ASTN2: variants seen among roughly 807,000 people sequenced by gnomAD.
The protein encoded by ASTN2 is astrotactin-2.
ASTN2 carries 54 observed loss-of-function variants against 139.8 expected under a neutral mutation model. That is an observed-to-expected ratio of 0.39 (90% CI 0.31 to 0.48). The LOEUF (loss-of-function observed/expected upper bound fraction) is 0.48, where lower values mean the gene tolerates loss of function less well. Among genes scored for constraint, ASTN2 ranks in the 20% least tolerant of loss-of-function variants. The pLI, the probability that ASTN2 is intolerant of heterozygous loss-of-function variation, is 0.95. For synonymous variants in ASTN2, 756 were observed against 719.5 expected, an observed-to-expected ratio of 1.05 and a Z score of -0.81; for missense variants, 1,565 against 1,725.1, an observed-to-expected ratio of 0.91 and a Z score of 1.64.
At chr9:116,993,379 C>T (rs1474314735) in intron 7 of ASTN2, among the ~76,000 whole-genome samples, 4 of 152,004 alleles carry the variant, frequency 2.6e-5, no homozygotes, top group East Asian at 1.9e-4. Context: ...CACACCTTTT[C>T]GGTTGTGCCT....
Position 116,698,041 on chromosome 9 carries a change from G to A in ASTN2, c.2806+27730C>T, listed in dbSNP as rs775563324. 8 of 1,614,060 alleles carry A rather than the reference G, an allele frequency of 5.0e-6. No individual in the cohort carries two copies. The highest frequency in any genetic ancestry group is 5.1e-6 in the Non-Finnish European group (6 of 1,180,042). On this transcript the variant is annotated intron_variant, in intron 16 of 22. Transcript: ENST00000313400. The surrounding 1 kb of genome is among the most constrained non-coding windows in gnomAD (Gnocchi z 4.4). ...AGCGAGGCTGTGGGGCTGCTCATGTGTCGGTCCTGTGGGCGGCGTCTGCCC... is the reference window on the plus strand; with the variant it reads ...AGCGAGGCTGTGGGGCTGCTCATGTATCGGTCCTGTGGGCGGCGTCTGCCC...
intron 19 of ASTN2, among the ~76,000 whole-genome samples, chr9:116,536,166 C>A (rs1401855759): frequency 6.6e-6 from 1 of 151,964 alleles, no homozygotes; most frequent in Admixed American, 6.6e-5. Context: ...GAAGCTTGTG[C>A]ATTCGTCACG....
At chr9:117,149,128 T>C (rs1212481391) in intron 3 of ASTN2, among the ~76,000 whole-genome samples, 1 of 152,142 alleles carries the variant, frequency 6.6e-6, no homozygotes, top group African/African-American at 2.4e-5. Flanking sequence ...CAAGTGATTC[T>C]CGTGCCTCAG....
chr9:116,605,966 A>G (rs6478246), intron 19 of ASTN2, among the ~76,000 whole-genome samples: 70,558 of 151,876 alleles, frequency 0.46, 16,808 homozygotes, highest in East Asian at 0.7. Context: ...GGACAAGTCC[A>G]TCTCCTCTGA....
At chr9:117,047,077 G>T (rs1445417193) in intron 5 of ASTN2, among the ~76,000 whole-genome samples, 1 of 152,114 alleles carries the variant, frequency 6.6e-6, no homozygotes, top group Non-Finnish European at 1.5e-5. Context: ...GTGCCCCATG[G>T]GATTCCCACA....
rs140035243 is a variant in ASTN2 at position 116,522,917 on chromosome 9, A to G, written c.3356-35417T>C. On this transcript the variant is annotated intron_variant, in intron 19 of 22. Coordinates refer to ENST00000313400, the MANE Select transcript of ASTN2 (RefSeq NM_001365068.1). ...GTTGGCACAGCTATTAACTATGAAT[A>G]AAAAAATAAAATTTAGAAATTCTAC... Among the ~76,000 whole-genome samples the G allele has an allele frequency of 3.5e-3, 540 of 152,230 alleles. 2 individuals carry two copies. Among genetic ancestry groups the G allele is most frequent in the African/African-American group, 0.012 (517 of 41,530 alleles).
intron 13 of ASTN2, among the ~76,000 whole-genome samples, chr9:116,744,718 G>A (rs548326238): frequency 1.0e-3 from 153 of 152,276 alleles, no homozygotes; most frequent in Non-Finnish European, 1.9e-3. Flanking sequence ...TGCCTCCCCA[G>A]TATTTGCTTA....
intron 19 of ASTN2, among the ~76,000 whole-genome samples, chr9:116,570,482 G>A (rs1489232526): frequency 2.0e-5 from 3 of 151,996 alleles, no homozygotes; most frequent in South Asian, 2.1e-4. Flanking sequence ...TGCAAGCTCC[G>A]CCTCCCAGGT....
At chr9:117,161,084 G>A (rs941530545) in intron 3 of ASTN2, among the ~76,000 whole-genome samples, 1 of 151,962 alleles carries the variant, frequency 6.6e-6, no homozygotes, top group Non-Finnish European at 1.5e-5. Context: ...TATGTAATTG[G>A]TTTAATAATA....
chr9:116,931,724 G>A (rs527605170), intron 10 of ASTN2, among the ~76,000 whole-genome samples: 5 of 152,266 alleles, frequency 3.3e-5, no homozygotes, highest in African/African-American at 9.6e-5. Flanking sequence ...AAGGGCCAAC[G>A]AGTAAGCAAG....
chr9:116,857,174 T>C (rs1290669297), intron 11 of ASTN2, among the ~76,000 whole-genome samples: 1 of 152,228 alleles, frequency 6.6e-6, no homozygotes, highest in Non-Finnish European at 1.5e-5. Context: ...AGTCTTTGTA[T>C]GGATAGTTGC....
At chr9:116,514,938 G>T (rs1401422190) in intron 19 of ASTN2, among the ~76,000 whole-genome samples, 1 of 152,150 alleles carries the variant, frequency 6.6e-6, no homozygotes, top group Non-Finnish European at 1.5e-5. Flanking sequence ...GACCCTTTGT[G>T]CTTCCCGGGT....
intron 3 of ASTN2, among the ~76,000 whole-genome samples, chr9:117,151,447 G>T (rs1040910285): frequency 9.9e-5 from 15 of 152,070 alleles, no homozygotes; most frequent in African/African-American, 3.6e-4. Context: ...CAGGCACTGG[G>T]GACACAGTGA....
intron 3 of ASTN2, among the ~76,000 whole-genome samples, chr9:117,182,240 AAAAAAAT>A (rs748657129): frequency 4.7e-5 from 7 of 149,454 alleles, no homozygotes; most frequent in African/African-American, 1.5e-4. Context: ...TTCCAAAAAA[AAAAAAAT>A]AATAAGATTT....
chr9:117,159,443 T>C (rs1830500084), intron 3 of ASTN2, among the ~76,000 whole-genome samples: 1 of 151,956 alleles, frequency 6.6e-6, no homozygotes, highest in Non-Finnish European at 1.5e-5. Context: ...CAGCAAGAAA[T>C]TGGCCAGAAC....
intron 16 of ASTN2, among the ~76,000 whole-genome samples, chr9:116,667,880 AC>A (rs1057220642): frequency 7.9e-6 from 1 of 126,584 alleles, no homozygotes; most frequent in African/African-American, 3.0e-5. Context: ...ACAGAGTGGT[AC>A]ATTTGTTACA....
At chr9:116,563,200 C>T (rs111860520) in intron 19 of ASTN2, among the ~76,000 whole-genome samples, 145 of 151,708 alleles carry the variant, frequency 9.6e-4, no homozygotes, top group African/African-American at 3.3e-3. Context: ...ACGGTGAAAC[C>T]CCGTCTCTAT....
intron 13 of ASTN2, among the ~76,000 whole-genome samples, chr9:116,755,884 A>G (rs777052686): frequency 5.3e-5 from 8 of 152,224 alleles, no homozygotes; most frequent in Non-Finnish European, 7.3e-5. Flanking sequence ...TGATGTGGCC[A>G]CAAGCCAAGG....
intron 3 of ASTN2, among the ~76,000 whole-genome samples, chr9:117,174,237 A>G (rs751910571): frequency 1.3e-5 from 2 of 152,038 alleles, no homozygotes; most frequent in Non-Finnish European, 2.9e-5. Flanking sequence ...ACACATGCAT[A>G]TATAATACTA....
Sources: gnomAD v4.1 joint callset for allele counts (sites outside exome capture counted in the v4.1 genomes callset) on GRCh38, gnomAD v4.1.1 for gene constraint, Gnocchi (gnomAD v3.1) non-coding constraint, MANE v1.5 for transcripts, NCBI Gene and HGNC (gene_info 2026-07-23, HGNC 2026-07-21) for gene names.